The following HECW1 variants were observed in gnomAD, a reference collection of about 807,000 sequenced individuals.
HECW1 encodes the protein E3 ubiquitin-protein ligase HECW1.
Under a neutral mutation model 182.3 loss-of-function variants are expected in HECW1, and 61 were observed. That is an observed-to-expected ratio of 0.33 (90% confidence interval 0.27 to 0.41). The LOEUF (loss-of-function observed/expected upper bound fraction) is 0.41. HECW1 is among the 10% of genes least tolerant of loss of function. The pLI, the probability that HECW1 is intolerant of heterozygous loss-of-function variation, is 1.00. For synonymous variants in HECW1, 859 were observed against 832.6 expected (o/e 1.03, Z -0.55); for missense variants, 1,739 against 2,108.9 (o/e 0.82, Z 3.44).
At chr7:43,279,402 G>A (rs975657607) in intron 3 of HECW1, among the ~76,000 whole-genome samples, 1 of 151,892 alleles carries the variant, frequency 6.6e-6, no homozygotes, top group African/African-American at 2.4e-5. Flanking sequence ...ATCAGATCCT[G>A]TTGCCCTCTA....
At chr7:43,377,538 G>C (rs2074379934) in intron 6 of HECW1, among the ~76,000 whole-genome samples, 1 of 151,996 alleles carries the variant, frequency 6.6e-6, no homozygotes, top group African/African-American at 2.4e-5. Flanking sequence ...GATTAAGACA[G>C]GACTGGTGCT....
chr7:43,134,980 C>A (rs2152625437), intron 2 of HECW1, among the ~76,000 whole-genome samples: 1 of 152,140 alleles, frequency 6.6e-6, no homozygotes, highest in South Asian at 2.1e-4. Flanking sequence ...TTGACTTTAC[C>A]TGAAACATGA....
chr7:43,477,790 C>T (rs2078273928), intron 16 of HECW1, among the ~76,000 whole-genome samples: 1 of 152,150 alleles, frequency 6.6e-6, no homozygotes, highest in Non-Finnish European at 1.5e-5. Flanking sequence ...TGCTTGTTTA[C>T]AGTGACATCA....
rs201180355 is a variant in HECW1, at chr7:43,450,174, C to G, written c.2399-654C>G. On this transcript the variant is annotated intron_variant, in intron 11 of 29. Transcript: ENST00000395891. ...TTGTCCTTTCCTCTTTCCGGAGCAC[C>G]CTGGCTTGTCTGATTTCTCCTCAAA... Among the ~76,000 whole-genome samples the G allele has an allele frequency of 1.6e-4, 25 of 152,166 alleles. No homozygotes were observed. The East Asian group carries it at 4.6e-3, about 28-fold the overall frequency.
chr7:43,190,734 C>A (rs982810986), intron 2 of HECW1, among the ~76,000 whole-genome samples: 1 of 152,222 alleles, frequency 6.6e-6, no homozygotes, highest in Non-Finnish European at 1.5e-5. Context: ...TGCACACAGA[C>A]CCTCTTCCCA....
intron 3 of HECW1, among the ~76,000 whole-genome samples, chr7:43,279,275 T>C (rs1044313287): frequency 3.3e-5 from 5 of 152,208 alleles, no homozygotes; most frequent in African/African-American, 1.2e-4. Context: ...CAAAGCAAAA[T>C]GCTTCTCTGT....
intron 21 of HECW1, among the ~76,000 whole-genome samples, chr7:43,506,661 C>A (rs966837294): frequency 3.3e-5 from 5 of 152,206 alleles, no homozygotes; most frequent in African/African-American, 1.2e-4. Flanking sequence ...TGACCTCATG[C>A]CTGTACTCCC....
At chr7:43,326,424 G>A (rs558602740) in intron 5 of HECW1, among the ~76,000 whole-genome samples, 2 of 152,302 alleles carry the variant, frequency 1.3e-5, no homozygotes, top group East Asian at 1.9e-4. Flanking sequence ...TCAACCCCAC[G>A]CCCAGGGAGG....
At chr7:43,198,159 C>G (rs182868755) in intron 2 of HECW1, among the ~76,000 whole-genome samples, 345 of 146,084 alleles carry the variant, frequency 2.4e-3, no homozygotes, top group African/African-American at 8.3e-3. Context: ...CACACTCATA[C>G]TCACGCACAC....
At chr7:43,499,983 C>T (rs925141639) in intron 19 of HECW1, among the ~76,000 whole-genome samples, 3 of 152,210 alleles carry the variant, frequency 2.0e-5, no homozygotes, top group African/African-American at 7.2e-5. Context: ...GCCGGGCCCC[C>T]TCTGTGCCCA....
At chr7:43,318,460 C>T (rs993654571) in intron 4 of HECW1, among the ~76,000 whole-genome samples, 1 of 152,178 alleles carries the variant, frequency 6.6e-6, no homozygotes, top group Admixed American at 6.5e-5. Context: ...ACAAACAGTT[C>T]TTATCGGTAA....
intron 24 of HECW1, 117 bp from the exon 25 acceptor site, chr7:43,541,046 A>C: frequency 1.3e-6 from 1 of 783,828 alleles, no homozygotes; most frequent in Non-Finnish European, 2.2e-6. Flanking sequence ...CATCAATGAG[A>C]AGATTCCTTA....
chr7:43,522,686 C>G (rs1328053299), intron 24 of HECW1: 1 of 162,468 alleles, frequency 6.2e-6, no homozygotes, highest in East Asian at 1.9e-4. Flanking sequence ...CAAAGCAAAC[C>G]ACTGGTGGGG....
chr7:43,281,454 C>A (rs1322765018), intron 3 of HECW1, among the ~76,000 whole-genome samples: 1 of 152,160 alleles, frequency 6.6e-6, no homozygotes, highest in East Asian at 1.9e-4. Context: ...TCCTCATTTA[C>A]AGATAGAAAA....
intron 4 of HECW1, among the ~76,000 whole-genome samples, chr7:43,319,607 T>TC (rs1809828660): frequency 9.4e-6 from 1 of 106,240 alleles, no homozygotes; most frequent in Non-Finnish European, 1.8e-5. Flanking sequence ...TTTTCTTTTT[T>TC]TTTTTTTTTT....
At chr7:43,135,336 T>C (rs568015131) in intron 2 of HECW1, among the ~76,000 whole-genome samples, 50 of 152,286 alleles carry the variant, frequency 3.3e-4, no homozygotes, top group African/African-American at 1.2e-3. Flanking sequence ...CCTCTTACTC[T>C]TCCTCTGTTA....
In HECW1 at chr7:43,407,590, G is replaced by A; in HGVS notation, c.660G>A (p.Gly220=). 6.2e-7 allele frequency: 1 copy of A among 1,613,062 alleles called. No individual in the cohort carries two copies. The highest frequency in any genetic ancestry group is 8.5e-7 in the Non-Finnish European group (1 of 1,179,288). ...SDFQAMGLKK[G]MFFNPDPYLK... is the part of the protein sequence containing the mutation. ...TCCAAGCCATGGGGTTGAAGAAAGG[G>A]ATGTTTTTCAACCCAGACCCTTATC... is the stretch of plus-strand genomic sequence containing the variant. The change falls in exon 8 of 30, where the codon GGG becomes GGA. Residue 220 remains glycine, a synonymous_variant. Coordinates refer to ENST00000395891, the MANE Select transcript of HECW1 (RefSeq NM_015052.5).
At chr7:43,196,882 T>C (rs1018822500) in intron 2 of HECW1, among the ~76,000 whole-genome samples, 1 of 152,204 alleles carries the variant, frequency 6.6e-6, no homozygotes, top group Admixed American at 6.5e-5. Flanking sequence ...AACTATGTTT[T>C]AAATTGAGTT....
chr7:43,115,464 T>C (rs1301759779), intron 2 of HECW1, among the ~76,000 whole-genome samples: 1 of 152,178 alleles, frequency 6.6e-6, no homozygotes, highest in Non-Finnish European at 1.5e-5. Context: ...TCATTGGTTT[T>C]TGTTTGTTTC....
Sources: gnomAD v4.1 joint callset for allele counts (sites outside exome capture counted in the v4.1 genomes callset) on GRCh38, gnomAD v4.1.1 for gene constraint, MANE v1.5 for transcripts, NCBI Gene and HGNC (gene_info 2026-07-23, HGNC 2026-07-21) for gene names.